KLHL29: variants seen among roughly 807,000 people sequenced by gnomAD.
KLHL29 encodes the protein kelch-like protein 29.
Under a neutral mutation model 80.4 loss-of-function variants are expected in KLHL29, and 21 were observed. That is an observed-to-expected ratio of 0.26 (90% confidence interval 0.19 to 0.38). The LOEUF (loss-of-function observed/expected upper bound fraction) is 0.38, where lower values mean the gene tolerates loss of function less well. KLHL29 is among the 10% of genes least tolerant of loss of function. The probability of loss-of-function intolerance (pLI) is 1.00; values close to 1 mark genes in which losing one functional copy is unlikely to be tolerated. For missense variants in KLHL29, 867 were observed against 1,223.9 expected (o/e 0.71, Z 4.35); for synonymous variants, 511 against 526.8 (o/e 0.97, Z 0.41).
chr2:23,478,653 G>T (rs1034200157), intron 2 of KLHL29, among the ~76,000 whole-genome samples: 1 of 152,160 alleles, frequency 6.6e-6, no homozygotes, highest in African/African-American at 2.4e-5. Flanking sequence ...GCCAAGAATG[G>T]CATTAGCAGA....
At chr2:23,657,925 T>G (rs1045807580) in intron 5 of KLHL29, among the ~76,000 whole-genome samples, 7 of 152,182 alleles carry the variant, frequency 4.6e-5, no homozygotes, top group African/African-American at 1.7e-4. Flanking sequence ...ACAGAAGCCC[T>G]TAGGGGTGGT....
At chr2:23,624,095 G>A (rs1415205599) in intron 3 of KLHL29, among the ~76,000 whole-genome samples, 5 of 152,166 alleles carry the variant, frequency 3.3e-5, no homozygotes, top group African/African-American at 9.7e-5. Context: ...GGCCCCTGGA[G>A]GTGATCCCCA....
At chr2:23,557,276 A>G (rs180872967) in intron 2 of KLHL29, among the ~76,000 whole-genome samples, 47 of 152,222 alleles carry the variant, frequency 3.1e-4, no homozygotes, top group African/African-American at 1.0e-3. Context: ...AGCAGAAAAT[A>G]TTTAAGTTGC....
chr2:23,694,800 G>A (rs1671845616), intron 8 of KLHL29, among the ~76,000 whole-genome samples: 1 of 152,110 alleles, frequency 6.6e-6, no homozygotes, highest in Non-Finnish European at 1.5e-5. Flanking sequence ...CCATCCAGAT[G>A]CCATTCCCTC....
In KLHL29 at chr2:23,536,918, A is replaced by ACACACACTCTCTCTCTCT. The variant is rs143009876; in HGVS notation, c.-45-25233_-45-25232insACACACTCTCTCTCTCTC. ...CACACACACACACACACACACACAC[A>ACACACACTCTCTCTCTCT]CTCTCTCTCTCCCTCTCTCGCTCTC... On this transcript the variant is annotated intron_variant, in intron 2 of 13. Transcript: ENST00000486442. 5.0e-5 allele frequency among the ~76,000 whole-genome samples: 7 copies of ACACACACTCTCTCTCTCT among 140,736 alleles called. No homozygotes were observed. In the South Asian group the frequency reaches 1.6e-3, roughly 33 times the overall value. The allele number at this position is 140,736 out of a possible 152,430, so 92.3% of individuals were successfully genotyped here.
chr2:23,498,901 A>C (rs530358944), intron 2 of KLHL29, among the ~76,000 whole-genome samples: 1 of 152,190 alleles, frequency 6.6e-6, no homozygotes, highest in Non-Finnish European at 1.5e-5. Flanking sequence ...GTCTCTTTCC[A>C]TTGCTGAAAG....
chr2:23,643,408 G>C (rs889044272), intron 5 of KLHL29: 2 of 175,078 alleles, frequency 1.1e-5, no homozygotes, highest in Admixed American at 1.1e-4. Flanking sequence ...TTCATTTCAA[G>C]GATCCAGGGG....
intron 2 of KLHL29, among the ~76,000 whole-genome samples, chr2:23,483,233 A>G (rs77904627): frequency 0.016 from 2,378 of 152,300 alleles, 24 homozygotes; most frequent in Middle Eastern, 0.024. Flanking sequence ...TTTGATCAAA[A>G]CCATAGGCTT....
intron 3 of KLHL29, among the ~76,000 whole-genome samples, chr2:23,613,911 T>A (rs1426489608): frequency 6.6e-6 from 1 of 152,090 alleles, no homozygotes; most frequent in Admixed American, 6.5e-5. Flanking sequence ...AGTTGGGAAC[T>A]GCTTAGAATC....
intron 3 of KLHL29, among the ~76,000 whole-genome samples, chr2:23,566,906 G>A (rs1667601545): frequency 6.6e-6 from 1 of 152,204 alleles, no homozygotes; most frequent in Admixed American, 6.5e-5. Flanking sequence ...ACATTTGCGG[G>A]GAAACCTGTC....
chr2:23,561,996 A>G (rs946330251), intron 2 of KLHL29, among the ~76,000 whole-genome samples, 156 bp from the exon 3 acceptor site: 1 of 152,170 alleles, frequency 6.6e-6, no homozygotes, highest in Non-Finnish European at 1.5e-5. Flanking sequence ...AGTGGGGCTA[A>G]TTAATGATCC....
chr2:23,680,557 T>G lies in KLHL29; in HGVS notation c.941-3842T>G, dbSNP rs1671054877. 1.3e-5 allele frequency among the ~76,000 whole-genome samples: 2 copies of G among 152,172 alleles called. No homozygotes were observed. Among genetic ancestry groups the G allele is most frequent in the South Asian group, 4.1e-4 (2 of 4,838 alleles). On this transcript the variant is annotated intron_variant, in intron 5 of 13. Coordinates refer to ENST00000486442, the MANE Select transcript of KLHL29 (RefSeq NM_052920.2). The surrounding 1 kb of genome is among the most constrained non-coding windows in gnomAD (Gnocchi z 4.1). ...GAGGCCAAGTCTTCATCCCACCTGGTAGGCTCAGCTGCCAGGACTCCACTC... is the reference window on the plus strand; with the variant it reads ...GAGGCCAAGTCTTCATCCCACCTGGGAGGCTCAGCTGCCAGGACTCCACTC...
chr2:23,584,320 C>T (rs962242951), intron 3 of KLHL29, among the ~76,000 whole-genome samples: 41 of 152,274 alleles, frequency 2.7e-4, no homozygotes, highest in African/African-American at 8.9e-4. Flanking sequence ...ATTCCTTAAC[C>T]GCCCAGGGAC....
At chr2:23,644,031 A>G (rs1229708590) in intron 5 of KLHL29, 1 of 151,944 alleles carries the variant, frequency 6.6e-6, no homozygotes, top group African/African-American at 2.4e-5. Flanking sequence ...ATTTCAAGCA[A>G]TTTTCATGCC....
At chr2:23,517,500 G>A (rs1429310553) in intron 2 of KLHL29, among the ~76,000 whole-genome samples, 2 of 152,206 alleles carry the variant, frequency 1.3e-5, no homozygotes, top group Non-Finnish European at 2.9e-5. Context: ...CCGAGATCGT[G>A]CCACTGCACT....
At chr2:23,458,963 G>A (rs1434454083) in intron 1 of KLHL29, among the ~76,000 whole-genome samples, 1 of 152,194 alleles carries the variant, frequency 6.6e-6, no homozygotes, top group African/African-American at 2.4e-5. Flanking sequence ...GATTGGGGAA[G>A]AGCAAGCAAG....
intron 2 of KLHL29, among the ~76,000 whole-genome samples, chr2:23,549,726 G>A (rs1667073694): frequency 6.6e-6 from 1 of 152,228 alleles, no homozygotes; most frequent in Non-Finnish European, 1.5e-5. Flanking sequence ...GGAAGCTCCA[G>A]TGGGCAGTGT....
chr2:23,629,275 T>C (rs979402514), intron 3 of KLHL29, among the ~76,000 whole-genome samples: 2 of 152,136 alleles, frequency 1.3e-5, no homozygotes, highest in African/African-American at 4.8e-5. Flanking sequence ...AGGCCTGCCC[T>C]GCACCTTTCA....
At chr2:23,650,297 G>A (rs1039081734) in intron 5 of KLHL29, among the ~76,000 whole-genome samples, 10 of 152,236 alleles carry the variant, frequency 6.6e-5, no homozygotes, top group African/African-American at 2.4e-4. Context: ...GAATGCTGGA[G>A]GGAAGTGCCA....
Sources: allele counts gnomAD v4.1 joint callset (sites outside exome capture counted in the v4.1 genomes callset), GRCh38; gene constraint gnomAD v4.1.1; non-coding constraint Gnocchi (gnomAD v3.1); transcripts MANE v1.5; gene names NCBI Gene and HGNC (gene_info 2026-07-23, HGNC 2026-07-21).